The following CWC27 variants were observed in gnomAD, a reference collection of about 807,000 sequenced individuals.
CWC27 encodes the protein spliceosome-associated protein CWC27 homolog.
A neutral mutation model predicts 63.6 loss-of-function variants in CWC27; 47 were observed. The observed-to-expected ratio is 0.74, with a 90% CI of 0.58 to 0.94. The LOEUF (loss-of-function observed/expected upper bound fraction) is 0.94. Among genes scored for constraint, CWC27 ranks in the 40% least tolerant of loss-of-function variants. CWC27 has a pLI of 0.00. For missense variants in CWC27, 495 were observed against 554.3 expected (o/e 0.89, Z 1.07); for synonymous variants, 175 against 179.8 (o/e 0.97, Z 0.22).
At chr5:64,948,475 T>A (rs1748637611) in intron 11 of CWC27, among the ~76,000 whole-genome samples, 2 of 151,628 alleles carry the variant, frequency 1.3e-5, no homozygotes, top group African/African-American at 2.4e-5. Context: ...ATGAAAAAAA[T>A]TTTTTCTACA....
At chr5:64,915,367 A>C (rs1173950135) in intron 11 of CWC27, among the ~76,000 whole-genome samples, 1 of 152,110 alleles carries the variant, frequency 6.6e-6, no homozygotes, top group African/African-American at 2.4e-5. Context: ...GGTTACTTTT[A>C]TAGGGAAGAG....
intron 11 of CWC27, among the ~76,000 whole-genome samples, chr5:64,918,391 C>T (rs1747932875): frequency 6.6e-6 from 1 of 152,002 alleles, no homozygotes; most frequent in African/African-American, 2.4e-5. Flanking sequence ...TGTATTATAT[C>T]CTCGAATATT....
chr5:64,960,064 CT>C (rs554367004), intron 11 of CWC27, among the ~76,000 whole-genome samples: 1 of 151,866 alleles, frequency 6.6e-6, no homozygotes, highest in Admixed American at 6.6e-5. Flanking sequence ...ACTGTTTGGT[CT>C]TTTTTTTCCC....
Position 64,998,074 on chromosome 5 carries a change from G to A in CWC27, c.1257-20085G>A, listed in dbSNP as rs984148456. ...CTAAACTCCCTGTCCAGTTCCTGAA[G>A]TCACCTCTTTTTCTTCCTTTTTCTT... On this transcript the variant is annotated intron_variant, in intron 13 of 13. Coordinates refer to ENST00000381070, the MANE Select transcript of CWC27 (RefSeq NM_005869.4). Among the ~76,000 whole-genome samples, 20 of 152,268 alleles carry A rather than the reference G, an allele frequency of 1.3e-4. No individual in the cohort carries two copies. In the East Asian group the frequency reaches 3.9e-3, roughly 29 times the overall value.
At chr5:64,802,766 C>G (rs1276585031) in intron 9 of CWC27, among the ~76,000 whole-genome samples, 2 of 152,048 alleles carry the variant, frequency 1.3e-5, no homozygotes, top group Non-Finnish European at 1.5e-5. Context: ...AAATAATGAG[C>G]TTAATTTTAT....
chr5:64,805,175 CTA>C (rs1744621181), intron 10 of CWC27, among the ~76,000 whole-genome samples: 1 of 151,728 alleles, frequency 6.6e-6, no homozygotes, highest in African/African-American at 2.4e-5. Flanking sequence ...GATTTCCACG[CTA>C]TCATTGCATA....
chr5:65,012,923 G>C (rs1749987253), intron 13 of CWC27, among the ~76,000 whole-genome samples: 1 of 152,174 alleles, frequency 6.6e-6, no homozygotes, highest in Non-Finnish European at 1.5e-5. Flanking sequence ...CCCCATCCCA[G>C]AACAATTAAA....
At chr5:64,783,374 A>G (rs1203493458) in intron 3 of CWC27, among the ~76,000 whole-genome samples, 1 of 152,228 alleles carries the variant, frequency 6.6e-6, no homozygotes, top group Non-Finnish European at 1.5e-5. Context: ...AAATTACATA[A>G]CACAATCATA....
At chr5:64,888,510 A>T (rs1339903248) in intron 11 of CWC27, among the ~76,000 whole-genome samples, 1 of 130,570 alleles carries the variant, frequency 7.7e-6, no homozygotes, top group Non-Finnish European at 1.6e-5. Flanking sequence ...CAAATAGCAT[A>T]TATTATTATT....
At chr5:64,873,961 T>C (rs1009896167) in intron 10 of CWC27, among the ~76,000 whole-genome samples, 2 of 152,126 alleles carry the variant, frequency 1.3e-5, no homozygotes, top group Non-Finnish European at 2.9e-5. Flanking sequence ...GGTGCTTTTG[T>C]TGAAAATCAG....
At chr5:64,816,228 GT>G (rs1457378248) in intron 10 of CWC27, among the ~76,000 whole-genome samples, 1 of 152,094 alleles carries the variant, frequency 6.6e-6, no homozygotes, top group Non-Finnish European at 1.5e-5. Flanking sequence ...CGTGGCCCAG[GT>G]CAGGTGTCCA....
At chr5:64,799,606 A>ATATATATAT (rs1272954189) in intron 7 of CWC27, among the ~76,000 whole-genome samples, 7 of 149,566 alleles carry the variant, frequency 4.7e-5, no homozygotes, top group South Asian at 2.2e-4. Flanking sequence ...ATATATACTT[A>ATATATATAT]ATAGCAGCAG....
chr5:64,891,385 T>A (rs893103724), intron 11 of CWC27, among the ~76,000 whole-genome samples: 5 of 152,230 alleles, frequency 3.3e-5, no homozygotes, highest in Admixed American at 2.0e-4. Flanking sequence ...CCTTACTACC[T>A]TTAAGTGCTA....
At chr5:64,800,175 TA>T in intron 7 of CWC27, 72 bp from the exon 8 acceptor site, 2 of 1,053,920 alleles carry the variant, frequency 1.9e-6, no homozygotes, top group Non-Finnish European at 2.9e-6. Context: ...AGGTTTTATG[TA>T]AATTTGTTAA....
chr5:64,837,390 A>G (rs573371554), intron 10 of CWC27, among the ~76,000 whole-genome samples: 1 of 152,152 alleles, frequency 6.6e-6, no homozygotes, highest in South Asian at 2.1e-4. Context: ...ATTAACTTTT[A>G]AATAAGCAGA....
rs1747686970 is a variant in CWC27 at position 64,907,816 on chromosome 5, T to C, written c.1042+22270T>C. Reference sequence around the variant, plus strand: ...GTGGGTTTGTCATAGATAGCTCTTATTATTTTGAAATATGTCCCAGCTCCT... The same window carrying C: ...GTGGGTTTGTCATAGATAGCTCTTACTATTTTGAAATATGTCCCAGCTCCT... On this transcript the variant is annotated intron_variant, in intron 11 of 13. Coordinates refer to ENST00000381070, the MANE Select transcript of CWC27 (RefSeq NM_005869.4). 2.0e-5 allele frequency among the ~76,000 whole-genome samples: 3 copies of C among 152,134 alleles called. No individual in the cohort carries two copies. The South Asian group carries it at 6.2e-4, about 32-fold the overall frequency.
At chr5:64,842,902 T>A (rs987131378) in intron 10 of CWC27, among the ~76,000 whole-genome samples, 4 of 152,182 alleles carry the variant, frequency 2.6e-5, no homozygotes, top group African/African-American at 9.6e-5. Flanking sequence ...CTACCCGGCC[T>A]TTTTCAAGTT....
At chr5:64,821,282 A>G (rs1745191249) in intron 10 of CWC27, among the ~76,000 whole-genome samples, 1 of 152,070 alleles carries the variant, frequency 6.6e-6, no homozygotes, top group East Asian at 1.9e-4. Flanking sequence ...ACGGGGTTTC[A>G]CCACGTTGGC....
chr5:64,797,651 A>G (rs1460131442), intron 7 of CWC27, among the ~76,000 whole-genome samples: 2 of 152,208 alleles, frequency 1.3e-5, no homozygotes, highest in Non-Finnish European at 1.5e-5. Flanking sequence ...TAAAAAAATT[A>G]ATTACTTTTT....
Sources: allele counts gnomAD v4.1 joint callset (sites outside exome capture counted in the v4.1 genomes callset), GRCh38; gene constraint gnomAD v4.1.1; transcripts MANE v1.5; gene names NCBI Gene and HGNC (gene_info 2026-07-23, HGNC 2026-07-21).